ARNT: variants seen among roughly 807,000 people sequenced by gnomAD.
ARNT encodes class E basic helix-loop-helix protein 2.
Under a neutral mutation model 105.0 loss-of-function variants are expected in ARNT, and 30 were observed. That is an observed-to-expected ratio of 0.29 (90% confidence interval 0.21 to 0.39). ARNT has a LOEUF of 0.39. Among genes scored for constraint, ARNT ranks in the 10% least tolerant of loss-of-function variants. The probability of loss-of-function intolerance (pLI) is 1.00; values close to 1 mark genes in which losing one functional copy is unlikely to be tolerated. For synonymous variants in ARNT, 304 were observed against 344.0 expected (o/e 0.88, Z 1.29); for missense variants, 748 against 978.7 (o/e 0.76, Z 3.15).
At chr1:150,830,130 G>A in intron 10 of ARNT, 150 bp from the exon 11 acceptor site, 1 of 778,596 alleles carries the variant, frequency 1.3e-6, no homozygotes, top group Admixed American at 2.7e-5. Context: ...AAGCCAAGGT[G>A]GGCGGATCAC....
intron 19 of ARNT, among the ~76,000 whole-genome samples, chr1:150,815,298 C>A (rs1012449323): frequency 1.4e-4 from 21 of 152,130 alleles, no homozygotes; most frequent in African/African-American, 5.1e-4. Context: ...CCTGTAATCC[C>A]AGCACTTTGG....
At chr1:150,828,789 T>A (rs967207093) in intron 12 of ARNT, among the ~76,000 whole-genome samples, 1 of 152,234 alleles carries the variant, frequency 6.6e-6, no homozygotes, top group Non-Finnish European at 1.5e-5. Flanking sequence ...ATTATCTAAA[T>A]GTAGCTATAC....
intron 6 of ARNT, among the ~76,000 whole-genome samples, chr1:150,836,895 CAAAACA>C (rs910091917): frequency 4.6e-5 from 7 of 151,970 alleles, no homozygotes; most frequent in Non-Finnish European, 1.5e-5. Flanking sequence ...CAAAACAAAA[CAAAACA>C]AAAACAAAAA....
At chr1:150,849,677 C>G (rs1208896044) in intron 3 of ARNT, among the ~76,000 whole-genome samples, 2 of 152,058 alleles carry the variant, frequency 1.3e-5, no homozygotes, top group Admixed American at 1.3e-4. Context: ...GTGGGAGGAT[C>G]GCTTGAGCCC....
At chr1:150,834,490 C>T (rs1386859035) in intron 8 of ARNT, 48 bp downstream of exon 8, 1 of 1,572,820 alleles carries the variant, frequency 6.4e-7, no homozygotes, top group Non-Finnish European at 8.7e-7. Context: ...AAACTCTCAG[C>T]TCTTGATCCT....
Position 150,876,557 on chromosome 1 carries a change from G to C in ARNT, c.11C>G (p.Thr4Ser). Residue 4 changes from threonine to serine, a missense_variant, in exon 1 of 22, where the codon ACT (threonine) becomes AGT (serine). By Grantham distance (58) the Thr-to-Ser change is moderately conservative. Transcript: ENST00000358595. Reference sequence around the variant, plus strand: ...CGTCTCCTCACCGGGGTTGGCAGTAGTCGCCGCCATGGCCGCAGATGCCAC... The same window carrying C: ...CGTCTCCTCACCGGGGTTGGCAGTACTCGCCGCCATGGCCGCAGATGCCAC... MAA[T>S]TANPEMTSDV... The C allele has an allele frequency of 6.5e-7, 1 of 1,549,454 alleles. No homozygotes were observed. The highest frequency in any genetic ancestry group is 8.7e-7 in the Non-Finnish European group (1 of 1,147,338).
At position 150,818,043 on chromosome 1, in the gene ARNT, A is replaced by G. The variant is rs1443574447; in HGVS notation, c.1395-13T>C. 5.7e-6 allele frequency: 9 copies of G among 1,579,048 alleles called. No individual in the cohort carries two copies. The highest frequency in any genetic ancestry group is 2.3e-5 in the East Asian group (1 of 43,872). The stretch of plus-strand genomic sequence containing the variant: ...TTGGCTAGAGTTCCTAGGAAACCAG[A>G]GTAGACAGTAAAGAGGGGGTGGAGA... On this transcript the variant is annotated splice_polypyrimidine_tract_variant and intron_variant, in intron 14 of 21. Transcript: ENST00000358595.
chr1:150,868,077 T>C (rs1666896157), intron 1 of ARNT, among the ~76,000 whole-genome samples: 1 of 151,826 alleles, frequency 6.6e-6, no homozygotes, highest in African/African-American at 2.4e-5. Context: ...GAATGTCAAA[T>C]TGAAGTAGGA....
At chr1:150,838,273 TCCC>T (rs1660659493) in intron 6 of ARNT, among the ~76,000 whole-genome samples, 1 of 152,158 alleles carries the variant, frequency 6.6e-6, no homozygotes, top group Non-Finnish European at 1.5e-5. Flanking sequence ...ACAACACTAC[TCCC>T]CAACTCATTT....
intron 1 of ARNT, among the ~76,000 whole-genome samples, chr1:150,875,562 G>T (rs966900701): frequency 6.6e-6 from 1 of 152,120 alleles, no homozygotes. Context: ...TTTTGGAAAA[G>T]GATAGACTTT....
chr1:150,851,082 C>T (rs587613753), intron 3 of ARNT, among the ~76,000 whole-genome samples: 292 of 147,462 alleles, frequency 2.0e-3, no homozygotes, highest in Middle Eastern at 0.012. Flanking sequence ...GGAGCCCCTC[C>T]GCCCCGCAGC....
rs753049853 is a variant in ARNT, at chr1:150,826,571, T to A, written c.1214A>T (p.Gln405Leu). The A allele has an allele frequency of 6.2e-7, 1 of 1,613,464 alleles. No individual in the cohort carries two copies. Among genetic ancestry groups the A allele is most frequent in the Non-Finnish European group, 8.5e-7 (1 of 1,179,560 alleles). The change falls in exon 13 of 22, where the codon CAG (glutamine) becomes CTG (leucine). Residue 405 changes from glutamine to leucine, a missense_variant. By Grantham distance (113) the Gln-to-Leu change is moderately radical. Around this residue, in one of 4 missense-constraint regions of ARNT, gnomAD observed 291 missense variants for 444.6 expected, o/e 0.65. Transcript: ENST00000358595. The stretch of plus-strand genomic sequence containing the variant: ...TTGGAAGCTGTCTCTTAGAAGCTGC[T>A]GGTCTTCAGGATGACAGAATTCTAC... ...NIVEFCHPED[Q>L]QLLRDSFQQV...
chr1:150,812,610 T>C (rs587635516), intron 21 of ARNT: 9 of 152,912 alleles, frequency 5.9e-5, no homozygotes, highest in African/African-American at 2.2e-4. Context: ...GAACACTTCA[T>C]GAATTTGTGT....
At chr1:150,838,716 A>C (rs1660745320) in intron 6 of ARNT, among the ~76,000 whole-genome samples, 1 of 152,150 alleles carries the variant, frequency 6.6e-6, no homozygotes. Context: ...TGATCATGTT[A>C]TTTTAATAAC....
Position 150,817,969 on chromosome 1 carries a change from G to C in ARNT, c.1456C>G (p.Pro486Ala). 6.2e-7 allele frequency: 1 copy of C among 1,613,900 alleles called. No homozygotes were observed. Among genetic ancestry groups the C allele is most frequent in the Non-Finnish European group, 8.5e-7 (1 of 1,179,984 alleles). The change falls in exon 15 of 22, where the codon CCC (proline) becomes GCC (alanine). Residue 486 changes from proline (P) to alanine (A), a missense_variant. By Grantham distance (27) the Pro-to-Ala change is conservative (BLOSUM62 -1). Transcript: ENST00000358595. ...ATCTCCAGGGGTAAATTAGCTGTGG[G>C]ACCTAGTTGTGGCCTCTGGATTGTG... The part of the protein sequence containing the change: ...SNTIQRPQLG[P>A]TANLPLEMGS...
chr1:150,876,236 G>A (rs971141343), intron 1 of ARNT, among the ~76,000 whole-genome samples: 2 of 152,230 alleles, frequency 1.3e-5, no homozygotes, highest in South Asian at 2.1e-4. Flanking sequence ...CCACATCACA[G>A]ACCAGACGCC....
chr1:150,833,790 AAAG>A (rs1056577759), intron 8 of ARNT, among the ~76,000 whole-genome samples: 2 of 152,132 alleles, frequency 1.3e-5, no homozygotes, highest in African/African-American at 2.4e-5. Flanking sequence ...CCAAAAAAAA[AAAG>A]AAGAAATGGT....
chr1:150,831,977 G>A, intron 9 of ARNT, 74 bp from the exon 10 acceptor site: 1 of 964,546 alleles, frequency 1.0e-6, no homozygotes, highest in Non-Finnish European at 1.6e-6. Flanking sequence ...TGCTGCCTTA[G>A]TACTTTTAAG....
chr1:150,837,749 T>C (rs2101925266), intron 6 of ARNT, among the ~76,000 whole-genome samples: 1 of 152,308 alleles, frequency 6.6e-6, no homozygotes, highest in Middle Eastern at 3.4e-3. Context: ...ACTAACGTTT[T>C]TTCCTGAGCT....
Sources: allele counts gnomAD v4.1 joint callset (sites outside exome capture counted in the v4.1 genomes callset), GRCh38; gene constraint gnomAD v4.1.1; regional missense constraint gnomAD v4.1.1; transcripts MANE v1.5; gene names NCBI Gene and HGNC (gene_info 2026-07-23, HGNC 2026-07-21).